Variants in BDNF observed in about 807,000 individuals in gnomAD.
The protein encoded by BDNF is brain derived neurotrophic factor.
BDNF carries 1 observed loss-of-function variant against 19.5 expected under a neutral mutation model. The observed-to-expected ratio is 0.05, with a 90% CI of 0.02 to 0.24. BDNF has a LOEUF of 0.24. Among genes scored for constraint, BDNF ranks in the 10% least tolerant of loss-of-function variants. The probability of loss-of-function intolerance (pLI) is 1.00; values close to 1 mark genes in which losing one functional copy is unlikely to be tolerated. For synonymous variants in BDNF, 100 were observed against 121.6 expected, an observed-to-expected ratio of 0.82 and a Z score of 1.17; for missense variants, 195 against 317.6, an observed-to-expected ratio of 0.61 and a Z score of 2.93.
intron 1 of BDNF, among the ~76,000 whole-genome samples, chr11:27,662,353 G>C (rs1251965614): frequency 6.6e-6 from 1 of 152,188 alleles, no homozygotes; most frequent in African/African-American, 2.4e-5. Context: ...GCAGTACTCA[G>C]TAAAAACTTA....
At chr11:27,662,780 C>T (rs367829858) in intron 1 of BDNF, among the ~76,000 whole-genome samples, 12 of 152,330 alleles carry the variant, frequency 7.9e-5, no homozygotes, top group Non-Finnish European at 1.3e-4. Context: ...GCTCACCCGC[C>T]GCTCACTTCC....
upstream of BDNF, among the ~76,000 whole-genome samples, chr11:27,705,329 C>A (rs1003834630): frequency 2.0e-5 from 3 of 151,950 alleles, no homozygotes; most frequent in Non-Finnish European, 4.4e-5. Flanking sequence ...AAATTTAAAC[C>A]AAAGGGTTTC....
At chr11:27,662,471 T>G (rs868783352) in intron 1 of BDNF, among the ~76,000 whole-genome samples, 1 of 152,216 alleles carries the variant, frequency 6.6e-6, no homozygotes, top group Admixed American at 6.5e-5. Context: ...CAGGTAAATA[T>G]AGGCTGTGCT....
intron 1 of BDNF, chr11:27,699,764 C>T: frequency 8.1e-7 from 1 of 1,239,850 alleles, no homozygotes. Flanking sequence ...GGAAGGATTC[C>T]TAGCCTAGCC....
rs1456299717 is a variant in BDNF, at chr11:27,657,451, G to C, written c.*370C>G. 1 of 989,626 alleles carries C rather than the reference G, an allele frequency of 1.0e-6. No individual in the cohort carries two copies. Among genetic ancestry groups the C allele is most frequent in the Non-Finnish European group, 1.2e-6 (1 of 834,502 alleles). The allele number at this position is 989,626 out of a possible 1,614,324, so 61.3% of individuals were successfully genotyped here. A position where few individuals can be genotyped will look rare whatever the true frequency, so the allele number is the denominator to read the frequency against. On this transcript the variant is annotated 3_prime_UTR_variant, in exon 2 of 2. Transcript: ENST00000356660. This position sits in a 1 kb window ranked among gnomAD's most constrained non-coding sequence, Gnocchi z 5.0. ...GAATGTTTTGGTTCAAATTTTTGTT[G>C]TGTGTGTGTGTGTTTTTTTTCTGTT... is the stretch of plus-strand genomic sequence containing the variant.
intron 1 of BDNF, chr11:27,690,971 G>A (rs1490631215): frequency 6.6e-6 from 1 of 151,696 alleles, no homozygotes. Flanking sequence ...TCCCTCTACT[G>A]TGGCTTCTGC....
At chr11:27,666,075 G>C (rs575138366) in intron 1 of BDNF, among the ~76,000 whole-genome samples, 8 of 152,308 alleles carry the variant, frequency 5.3e-5, no homozygotes, top group African/African-American at 1.9e-4. Flanking sequence ...GAAGCTTCCA[G>C]AGGAACAATC....
intron 1 of BDNF, chr11:27,674,260 G>A (rs1474254687): frequency 6.4e-7 from 1 of 1,573,238 alleles, no homozygotes; most frequent in Non-Finnish European, 8.6e-7. Flanking sequence ...GTGCACTCAT[G>A]GAGAAAACTG....
intron 1 of BDNF, among the ~76,000 whole-genome samples, chr11:27,689,464 T>C (rs1857959271): frequency 6.6e-6 from 1 of 152,348 alleles, no homozygotes; most frequent in Non-Finnish European, 1.5e-5. Flanking sequence ...AGATTATTAT[T>C]GAAGTGTGCA....
At chr11:27,671,694 A>AT (rs1564958235) in intron 1 of BDNF, among the ~76,000 whole-genome samples, 1 of 152,184 alleles carries the variant, frequency 6.6e-6, no homozygotes, top group African/African-American at 2.4e-5. Flanking sequence ...AAACTTACAC[A>AT]GGCTGAAATT....
At chr11:27,710,208 T>C (rs1415451722) in intron 1 of BDNF, among the ~76,000 whole-genome samples, 1 of 152,258 alleles carries the variant, frequency 6.6e-6, no homozygotes, top group Admixed American at 6.5e-5. Context: ...TCCGCATCTT[T>C]GATTACTTAT....
Position 27,658,531 on chromosome 11 carries a change from A to G in BDNF, c.34T>C (p.Tyr12His). The G allele has an allele frequency of 6.2e-7, 1 of 1,614,176 alleles. No homozygotes were observed. Among genetic ancestry groups the G allele is most frequent in the Non-Finnish European group, 8.5e-7 (1 of 1,180,026 alleles). The change falls in exon 2 of 2, where the codon TAC (tyrosine) becomes CAC (histidine). Residue 12 changes from tyrosine (Y) to histidine (H), a missense_variant. Around this residue, in one of 2 missense-constraint regions of BDNF, gnomAD observed 124 missense variants for 155.0 expected, o/e 0.80. Transcript: ENST00000356660. This position sits in a 1 kb window ranked among gnomAD's most constrained non-coding sequence, Gnocchi z 5.7. ...TILFLTMVIS[Y>H]FGCMKAAPMK... ...GGGGCAGCCTTCATGCAACCAAAGT[A>G]TGAAATAACCATAGTAAGGAAAAGG...
chr11:27,710,085 T>G (rs1482712431), intron 1 of BDNF, among the ~76,000 whole-genome samples: 1 of 152,210 alleles, frequency 6.6e-6, no homozygotes, highest in South Asian at 2.1e-4. Flanking sequence ...AAGATTATCC[T>G]TTTTTGCTAG....
intron 1 of BDNF, among the ~76,000 whole-genome samples, chr11:27,686,088 G>A (rs1857441415): frequency 6.6e-6 from 1 of 152,150 alleles, no homozygotes; most frequent in Admixed American, 6.5e-5. Context: ...CCTGTATTGG[G>A]TGCATATATG....
chr11:27,684,118 C>CACAT (rs1564971487), intron 1 of BDNF, among the ~76,000 whole-genome samples: 1 of 152,148 alleles, frequency 6.6e-6, no homozygotes, highest in African/African-American at 2.4e-5. Context: ...AGAGGTCCTT[C>CACAT]ACATCCCTTG....
At chr11:27,707,369 T>C (rs1292422832) in intron 1 of BDNF, among the ~76,000 whole-genome samples, 1 of 152,226 alleles carries the variant, frequency 6.6e-6, no homozygotes, top group African/African-American at 2.4e-5. Context: ...TATTCTATGG[T>C]GTCTGTAAAA....
intron 1 of BDNF, chr11:27,720,264 T>A: frequency 2.1e-6 from 2 of 938,478 alleles, no homozygotes; most frequent in Non-Finnish European, 2.5e-6. Context: ...CCTCCTCCCC[T>A]CCACCACGCG....
intron 1 of BDNF, among the ~76,000 whole-genome samples, chr11:27,692,307 A>G (rs1337333625): frequency 6.6e-6 from 1 of 152,134 alleles, no homozygotes; most frequent in Non-Finnish European, 1.5e-5. Flanking sequence ...TCATTTCTAA[A>G]AGGGTTTCAT....
At chr11:27,715,939 A>G (rs1263139789) in intron 1 of BDNF, among the ~76,000 whole-genome samples, 1 of 152,212 alleles carries the variant, frequency 6.6e-6, no homozygotes, top group Non-Finnish European at 1.5e-5. Context: ...TAGCAGAAAA[A>G]TCTCTTATAG....
Sources: allele counts gnomAD v4.1 joint callset (sites outside exome capture counted in the v4.1 genomes callset), GRCh38; gene constraint gnomAD v4.1.1; regional missense constraint gnomAD v4.1.1; non-coding constraint Gnocchi (gnomAD v3.1); transcripts MANE v1.5; gene names NCBI Gene and HGNC (gene_info 2026-07-23, HGNC 2026-07-21).